MXI1: variants seen among roughly 807,000 people sequenced by gnomAD.
The protein encoded by MXI1 is MAX interactor 1, dimerization protein.
Under a neutral mutation model 36.9 loss-of-function variants are expected in MXI1, and 18 were observed. The ratio of observed to expected loss-of-function variants is 0.49; its 90% CI spans 0.34 to 0.72. MXI1 has a LOEUF of 0.72. Among genes scored for constraint, MXI1 ranks in the 30% least tolerant of loss-of-function variants. The pLI is 0.01. For missense variants in MXI1, 304 were observed against 379.1 expected (o/e 0.80, Z 1.64); for synonymous variants, 160 against 146.7 (o/e 1.09, Z -0.65).
At chr10:110,254,949 A>G (rs1463785096) in intron 3 of MXI1, among the ~76,000 whole-genome samples, 1 of 152,064 alleles carries the variant, frequency 6.6e-6, no homozygotes, top group East Asian at 1.9e-4. Flanking sequence ...TCTAGCTAAA[A>G]TAATCAACGA....
At chr10:110,210,180 G>A (rs1854476790) in intron 1 of MXI1, 4 of 904,328 alleles carry the variant, frequency 4.4e-6, no homozygotes, top group Admixed American at 6.2e-5. Context: ...GGCCCGTGGC[G>A]GCGTAACCGG....
At chr10:110,253,635 C>G (rs781132487) in intron 3 of MXI1, among the ~76,000 whole-genome samples, 3 of 151,990 alleles carry the variant, frequency 2.0e-5, no homozygotes, top group Non-Finnish European at 4.4e-5. Flanking sequence ...TATTTGCTTG[C>G]ATTAAAGTCA....
intron 2 of MXI1, among the ~76,000 whole-genome samples, chr10:110,236,014 A>T (rs555816780): frequency 7.6e-4 from 114 of 150,420 alleles, no homozygotes; most frequent in Middle Eastern, 3.6e-3. Context: ...CTCAAAAAAA[A>T]TTTTTTTCTC....
intron 1 of MXI1, chr10:110,226,390 A>T: frequency 1.0e-6 from 1 of 962,718 alleles, no homozygotes. Context: ...GCATGAGGTG[A>T]GGTGTGCGCG....
chr10:110,223,707 G>A (rs967112813), intron 1 of MXI1, among the ~76,000 whole-genome samples: 1 of 151,984 alleles, frequency 6.6e-6, no homozygotes, highest in African/African-American at 2.4e-5. Context: ...AGGGTGAAGG[G>A]AGGTTGTTAC....
intron 2 of MXI1, among the ~76,000 whole-genome samples, chr10:110,241,855 T>C (rs1017743682): frequency 6.6e-6 from 1 of 152,022 alleles, no homozygotes; most frequent in African/African-American, 2.4e-5. Context: ...CATCTGTTTC[T>C]CTAATTCTCA....
intron 4 of MXI1, 73 bp from the exon 5 acceptor site, chr10:110,279,841 T>A: frequency 8.6e-7 from 1 of 1,165,522 alleles, no homozygotes; most frequent in Non-Finnish European, 1.2e-6. Flanking sequence ...ATGTTTTCTC[T>A]GCTAAAGGAG....
intron 3 of MXI1, chr10:110,261,257 T>C: frequency 1.8e-6 from 1 of 547,198 alleles, no homozygotes; most frequent in Non-Finnish European, 2.3e-6. Context: ...TTCTAGGACA[T>C]GTCTACTGTT....
intron 1 of MXI1, among the ~76,000 whole-genome samples, chr10:110,216,636 C>G (rs1317078649): frequency 6.9e-6 from 1 of 144,494 alleles, no homozygotes; most frequent in Admixed American, 6.9e-5. Flanking sequence ...TAGTTCTTTC[C>G]CTCCCTGTCT....
At chr10:110,224,454 G>T (rs781247134) in intron 1 of MXI1, among the ~76,000 whole-genome samples, 1 of 152,132 alleles carries the variant, frequency 6.6e-6, no homozygotes, top group Non-Finnish European at 1.5e-5. Context: ...CATCTAGTGG[G>T]TAGAGGCCAG....
At chr10:110,230,217 A>G (rs1855210098) in intron 2 of MXI1, among the ~76,000 whole-genome samples, 2 of 152,250 alleles carry the variant, frequency 1.3e-5, no homozygotes, top group Non-Finnish European at 2.9e-5. Context: ...ACCGGTCATT[A>G]ATAAGAAACT....
At chr10:110,215,533 G>A (rs1292164739) in intron 1 of MXI1, among the ~76,000 whole-genome samples, 1 of 152,152 alleles carries the variant, frequency 6.6e-6, no homozygotes, top group East Asian at 1.9e-4. Flanking sequence ...TACCTGATAC[G>A]AGAATGGGTT....
Position 110,224,303 on chromosome 10 carries a change from C to T in MXI1, c.275-3886C>T, listed in dbSNP as rs142608211. On this transcript the variant is annotated intron_variant, in intron 1 of 5. Coordinates refer to ENST00000332674, the MANE Select transcript of MXI1 (RefSeq NM_130439.3). ...AGCTTGTTCCTAGAGCATTCAAGTA[C>T]GATTCTCTTGTTCTTCCTCTCCCTA... is the stretch of plus-strand genomic sequence containing the variant. Among the ~76,000 whole-genome samples the T allele has an allele frequency of 1.0e-3, 156 of 152,314 alleles. 1 individual carries two copies. Among genetic ancestry groups the T allele is most frequent in the Non-Finnish European group, 2.0e-3 (133 of 68,018 alleles).
At chr10:110,271,254 A>G (rs1228954864) in intron 3 of MXI1, among the ~76,000 whole-genome samples, 1 of 152,064 alleles carries the variant, frequency 6.6e-6, no homozygotes, top group Non-Finnish European at 1.5e-5. Flanking sequence ...TCATAAATAG[A>G]TCTCTCACAA....
At chr10:110,272,697 T>C (rs987974936) in intron 3 of MXI1, among the ~76,000 whole-genome samples, 3 of 151,254 alleles carry the variant, frequency 2.0e-5, no homozygotes, top group Non-Finnish European at 4.4e-5. Flanking sequence ...TATATTATTA[T>C]ATTATATATT....
At chr10:110,261,255 C>A in intron 3 of MXI1, 1 of 553,710 alleles carries the variant, frequency 1.8e-6, no homozygotes, top group Non-Finnish European at 2.3e-6. Context: ...AATTCTAGGA[C>A]ATGTCTACTG....
chr10:110,255,105 G>C (rs775733867), intron 3 of MXI1, among the ~76,000 whole-genome samples: 53 of 152,298 alleles, frequency 3.5e-4, no homozygotes, highest in Middle Eastern at 3.4e-3. Context: ...TGTCTTAATA[G>C]GGGCTGATGG....
At position 110,236,124 on chromosome 10, in the gene MXI1, C is replaced by CTTTTTTTTTTTTTTTTT. The variant is rs60576710; in HGVS notation, c.407+7826_407+7842dup. Among the ~76,000 whole-genome samples the CTTTTTTTTTTTTTTTTT allele has an allele frequency of 8.9e-5, 3 of 33,576 alleles. 1 individual carries two copies. The highest frequency in any genetic ancestry group is 1.7e-4 in the Non-Finnish European group (3 of 17,976). The allele number at this position is 33,576 out of a possible 152,430, so 22.0% of individuals were successfully genotyped here. A position where few individuals can be genotyped will look rare whatever the true frequency, so the allele number is the denominator to read the frequency against. On this transcript the variant is annotated intron_variant, in intron 2 of 5. Transcript: ENST00000332674. Reference sequence around the variant, plus strand: ...AGGGTGTGAAGTAAAGGTTGAAGTTCTTTTTTTTTTTTTTTTTTTTTTTTT... The same window carrying CTTTTTTTTTTTTTTTTT: ...AGGGTGTGAAGTAAAGGTTGAAGTTCTTTTTTTTTTTTTTTTTTTTTTTTTTTTTTTTTTTTTTTTTT...
At chr10:110,268,267 A>G (rs1007809189) in intron 3 of MXI1, among the ~76,000 whole-genome samples, 1 of 152,216 alleles carries the variant, frequency 6.6e-6, no homozygotes, top group Non-Finnish European at 1.5e-5. Context: ...TGAAAATAAT[A>G]GCACTTGTGT....
Sources: allele counts gnomAD v4.1 joint callset (sites outside exome capture counted in the v4.1 genomes callset), GRCh38; gene constraint gnomAD v4.1.1; transcripts MANE v1.5; gene names NCBI Gene and HGNC (gene_info 2026-07-23, HGNC 2026-07-21).